The following DLG2 variants were observed in gnomAD, a reference collection of about 807,000 sequenced individuals.
DLG2 encodes discs large MAGUK scaffold protein 2.
A neutral mutation model predicts 132.5 loss-of-function variants in DLG2; 45 were observed. That is an observed-to-expected ratio of 0.34 (90% CI 0.27 to 0.44). DLG2 has a LOEUF of 0.44. Ranked by LOEUF, DLG2 falls within the 20% of genes least tolerant of loss-of-function variation. DLG2 has a pLI of 1.00. For synonymous variants in DLG2, 424 were observed against 419.6 expected, an observed-to-expected ratio of 1.01 and a Z score of -0.13; for missense variants, 1,045 against 1,196.9, an observed-to-expected ratio of 0.87 and a Z score of 1.87.
Position 83,670,437 on chromosome 11 carries a change from C to T in DLG2, c.1826-37112G>A, listed in dbSNP as rs193034167. ...ATATGGAGTCTCAATACTTCTTGGT[C>T]ACCATGATAGGTTTTGGTATACATT... On this transcript the variant is annotated intron_variant, in intron 18 of 27. Transcript: ENST00000376104. Among the ~76,000 whole-genome samples the T allele has an allele frequency of 5.9e-5, 9 of 151,966 alleles. 1 individual carries two copies. The highest frequency in any genetic ancestry group is 4.6e-4 in the Admixed American group (7 of 15,274).
intron 6 of DLG2, among the ~76,000 whole-genome samples, chr11:84,945,260 C>G (rs573176529): frequency 2.0e-5 from 3 of 152,192 alleles, no homozygotes; most frequent in African/African-American, 7.2e-5. Context: ...CGTATCTGCA[C>G]TAGGCGACAC....
intron 6 of DLG2, among the ~76,000 whole-genome samples, chr11:85,111,122 T>C (rs948347790): frequency 1.3e-5 from 2 of 152,098 alleles, no homozygotes; most frequent in African/African-American, 4.8e-5. Context: ...CTTACTCCCT[T>C]TGCATTGAAA....
intron 6 of DLG2, among the ~76,000 whole-genome samples, chr11:85,006,661 C>G (rs987918984): frequency 2.6e-5 from 4 of 151,756 alleles, no homozygotes; most frequent in African/African-American, 9.7e-5. Context: ...TTATGTTGAT[C>G]TTTTTCAAAA....
chr11:85,173,794 G>C (rs1451742655), intron 4 of DLG2, among the ~76,000 whole-genome samples: 1 of 151,828 alleles, frequency 6.6e-6, no homozygotes, highest in Admixed American at 6.6e-5. Flanking sequence ...CCAAGCAAAT[G>C]GAAAACAGAA....
chr11:84,600,340 T>C lies in DLG2; in HGVS notation c.358-65609A>G, dbSNP rs181141639. On this transcript the variant is annotated intron_variant, in intron 6 of 27. Coordinates refer to ENST00000376104, the MANE Select transcript of DLG2 (RefSeq NM_001142699.3). ...GGCATTTCTGAGTCCCTAGCCATCA[T>C]ACCATCAATGAAGAAAATAAATTTC... 2.1e-3 allele frequency among the ~76,000 whole-genome samples: 321 copies of C among 152,268 alleles called. 2 individuals are homozygous for C. Among genetic ancestry groups the C allele is most frequent in the African/African-American group, 7.0e-3 (292 of 41,570 alleles).
chr11:84,993,311 T>G (rs1395345017), intron 6 of DLG2, among the ~76,000 whole-genome samples: 1 of 152,062 alleles, frequency 6.6e-6, no homozygotes, highest in Non-Finnish European at 1.5e-5. Flanking sequence ...ACCTAATGCA[T>G]GCAGGCCTTA....
intron 4 of DLG2, among the ~76,000 whole-genome samples, chr11:85,166,544 T>G (rs1003390573): frequency 1.3e-5 from 2 of 152,136 alleles, no homozygotes; most frequent in African/African-American, 4.8e-5. Context: ...TCCAGCTGGA[T>G]GGGCTCTCTC....
At chr11:84,374,605 G>C (rs1252130424) in intron 7 of DLG2, among the ~76,000 whole-genome samples, 2 of 152,066 alleles carry the variant, frequency 1.3e-5, no homozygotes, top group African/African-American at 4.8e-5. Flanking sequence ...TTGTTCTAAA[G>C]AATACCTGAA....
chr11:84,643,186 T>TG (rs560831650), intron 6 of DLG2, among the ~76,000 whole-genome samples: 80 of 152,246 alleles, frequency 5.3e-4, no homozygotes, highest in African/African-American at 1.9e-3. Flanking sequence ...TTACTTGGGT[T>TG]GGGGGGCAGG....
Position 85,598,711 on chromosome 11 carries a change from C to T in DLG2, c.-15G>A. 1 of 1,577,852 alleles carries T rather than the reference C, an allele frequency of 6.3e-7. No individual in the cohort carries two copies. Among genetic ancestry groups the T allele is most frequent in the South Asian group, 1.2e-5 (1 of 84,744 alleles). ...AAGATACCCATCACCTTTTTAACCG[C>T]ATTTTTCAACAGCTGCTCCTCTGGT... On this transcript the variant is annotated 5_prime_UTR_variant, in exon 3 of 28. It removes an upstream start codon present in the reference 5' UTR. Coordinates refer to ENST00000376104, the MANE Select transcript of DLG2 (RefSeq NM_001142699.3).
At chr11:83,882,919 G>C (rs2066693237) in intron 15 of DLG2, among the ~76,000 whole-genome samples, 1 of 152,186 alleles carries the variant, frequency 6.6e-6, no homozygotes, top group African/African-American at 2.4e-5. Flanking sequence ...ATGTGGTTAA[G>C]GTGAGATCGA....
At chr11:83,580,808 GC>G (rs1172520823) in intron 19 of DLG2, among the ~76,000 whole-genome samples, 1 of 18,540 alleles carries the variant, frequency 5.4e-5, no homozygotes, top group Non-Finnish European at 1.0e-4. Flanking sequence ...TCCCTCCCCT[GC>G]CCCGCCAGGC....
At chr11:84,720,385 C>A (rs963695373) in intron 6 of DLG2, 16 of 985,358 alleles carry the variant, frequency 1.6e-5, no homozygotes, top group Non-Finnish European at 1.9e-5. Flanking sequence ...GGGTCCTTAA[C>A]AACAGGGGAC....
intron 3 of DLG2, among the ~76,000 whole-genome samples, chr11:85,289,668 C>T (rs2078772251): frequency 6.6e-6 from 1 of 152,108 alleles, no homozygotes; most frequent in Non-Finnish European, 1.5e-5. Context: ...GACATACCTG[C>T]TTTGAATTCA....
At chr11:83,899,024 A>C (rs2072637527) in intron 15 of DLG2, among the ~76,000 whole-genome samples, 1 of 152,226 alleles carries the variant, frequency 6.6e-6, no homozygotes, top group Non-Finnish European at 1.5e-5. Context: ...CAGGTGTCAG[A>C]TGGCTGAATT....
At chr11:84,638,561 G>A (rs544754109) in intron 6 of DLG2, among the ~76,000 whole-genome samples, 2 of 152,286 alleles carry the variant, frequency 1.3e-5, no homozygotes, top group South Asian at 4.1e-4. Context: ...TGTCTGTCTG[G>A]CTTTAATGTA....
intron 3 of DLG2, among the ~76,000 whole-genome samples, chr11:85,364,676 A>T (rs921215755): frequency 2.6e-5 from 4 of 152,218 alleles, no homozygotes; most frequent in African/African-American, 9.6e-5. Context: ...TTCTTGGGGA[A>T]CATAAACTAG....
chr11:83,896,707 T>C (rs1441484638), intron 15 of DLG2, among the ~76,000 whole-genome samples: 1 of 152,144 alleles, frequency 6.6e-6, no homozygotes, highest in Non-Finnish European at 1.5e-5. Flanking sequence ...AGATTAATTG[T>C]AAGTGGGCAT....
intron 7 of DLG2, among the ~76,000 whole-genome samples, chr11:84,427,557 G>A (rs1601924696): frequency 1.3e-5 from 2 of 152,028 alleles, no homozygotes; most frequent in East Asian, 3.9e-4. Flanking sequence ...AGGAATCTTG[G>A]GGAAAAAAAT....
Sources: gnomAD v4.1 joint callset for allele counts (sites outside exome capture counted in the v4.1 genomes callset) on GRCh38, gnomAD v4.1.1 for gene constraint, MANE v1.5 for transcripts, NCBI Gene and HGNC (gene_info 2026-07-23, HGNC 2026-07-21) for gene names.